DPP10: variants seen among roughly 807,000 people sequenced by gnomAD.
The protein encoded by DPP10 is inactive dipeptidyl peptidase 10.
Under a neutral mutation model 120.9 loss-of-function variants are expected in DPP10, and 33 were observed. The observed-to-expected ratio is 0.27, with a 90% CI of 0.21 to 0.37. DPP10 has a LOEUF of 0.37. Among genes scored for constraint, DPP10 ranks in the 10% least tolerant of loss-of-function variants. The probability of loss-of-function intolerance (pLI) is 1.00; values close to 1 mark genes in which losing one functional copy is unlikely to be tolerated. For missense variants in DPP10, 816 were observed against 942.8 expected (o/e 0.87, Z 1.76); for synonymous variants, 337 against 326.1 (o/e 1.03, Z -0.36).
intron 1 of DPP10, among the ~76,000 whole-genome samples, chr2:115,293,107 C>T (rs1261163878): frequency 1.3e-5 from 2 of 152,048 alleles, no homozygotes; most frequent in Non-Finnish European, 2.9e-5. Context: ...GGCACAAAGA[C>T]TAGCAAGTAA....
Position 115,800,871 on chromosome 2 carries a change from T to A in DPP10, c.1700+9515T>A, listed in dbSNP as rs944359726. On this transcript the variant is annotated intron_variant, in intron 19 of 25. Transcript: ENST00000410059. ...TATAGTTTGAAGTCAGGTAGCGTGATGCCTCCAGCTTTGTTCTTTTGGCTT... is the reference window on the plus strand; with the variant it reads ...TATAGTTTGAAGTCAGGTAGCGTGAAGCCTCCAGCTTTGTTCTTTTGGCTT... Among the ~76,000 whole-genome samples, 10 of 152,168 alleles carry A rather than the reference T, an allele frequency of 6.6e-5. No individual in the cohort carries two copies. In the East Asian group the frequency reaches 1.9e-3, roughly 29 times the overall value.
chr2:115,054,641 G>A (rs958530027), intron 1 of DPP10, among the ~76,000 whole-genome samples: 1 of 152,156 alleles, frequency 6.6e-6, no homozygotes. Context: ...GGCCCAGGGC[G>A]ACGGCTCATG....
At chr2:115,342,825 A>G (rs2063516350) in intron 2 of DPP10, among the ~76,000 whole-genome samples, 1 of 152,084 alleles carries the variant, frequency 6.6e-6, no homozygotes, top group Non-Finnish European at 1.5e-5. Context: ...CAGTTATTTT[A>G]TGGGTTAAAT....
At chr2:115,576,795 A>G (rs964808466) in intron 5 of DPP10, among the ~76,000 whole-genome samples, 3 of 152,310 alleles carry the variant, frequency 2.0e-5, no homozygotes, top group South Asian at 4.1e-4. Context: ...CTTACTCACA[A>G]GCATAACTTC....
intron 6 of DPP10, 38 bp from the exon 7 acceptor site, chr2:115,689,802 T>G: frequency 1.2e-6 from 2 of 1,611,522 alleles, no homozygotes; most frequent in Non-Finnish European, 1.7e-6. Context: ...GGTGTAGATA[T>G]CAGTTTGTTC....
At chr2:114,729,404 C>T (rs543177985) in intron 1 of DPP10, among the ~76,000 whole-genome samples, 2 of 152,300 alleles carry the variant, frequency 1.3e-5, no homozygotes, top group East Asian at 1.9e-4. Flanking sequence ...TGAGCCTCTT[C>T]GGGGATTTGG....
At position 115,471,884 on chromosome 2, in the gene DPP10, G is replaced by A. The variant is rs180984304; in HGVS notation, c.272-27626G>A. Among the ~76,000 whole-genome samples the A allele has an allele frequency of 3.9e-5, 6 of 152,124 alleles. No homozygotes were observed. The East Asian group carries it at 1.2e-3, about 30-fold the overall frequency. On this transcript the variant is annotated intron_variant, in intron 3 of 25. Coordinates refer to ENST00000410059, the MANE Select transcript of DPP10 (RefSeq NM_020868.6). ...ATCAACTGCCTCAGCCTCCCAAAGT[G>A]CTAGGACTGCAGGTGTGAGCCACTT...
intron 1 of DPP10, among the ~76,000 whole-genome samples, chr2:115,221,782 A>G (rs893569426): frequency 6.1e-4 from 57 of 93,868 alleles, no homozygotes; most frequent in African/African-American, 2.5e-3. Flanking sequence ...TTTTTTTTCT[A>G]TGAGCTAAGA....
intron 1 of DPP10, among the ~76,000 whole-genome samples, chr2:114,923,819 G>T (rs1251581979): frequency 6.6e-6 from 1 of 152,106 alleles, no homozygotes; most frequent in Admixed American, 6.5e-5. Flanking sequence ...CAATTTGGAT[G>T]CAATACAGTT....
In DPP10 at chr2:115,454,992, T is replaced by C. The variant is rs182018001; in HGVS notation, c.272-44518T>C. ...TCAGAAATAAGATACACAAAAAAATTAAGAATATAATGTAAATGTAAGTAT... is the reference window on the plus strand; with the variant it reads ...TCAGAAATAAGATACACAAAAAAATCAAGAATATAATGTAAATGTAAGTAT... On this transcript the variant is annotated intron_variant, in intron 3 of 25. Coordinates refer to ENST00000410059, the MANE Select transcript of DPP10 (RefSeq NM_020868.6). 4.6e-5 allele frequency among the ~76,000 whole-genome samples: 7 copies of C among 150,890 alleles called. No individual in the cohort carries two copies. The East Asian group carries it at 1.4e-3, about 29-fold the overall frequency.
At chr2:115,475,493 C>T (rs542026829) in intron 3 of DPP10, among the ~76,000 whole-genome samples, 1 of 152,344 alleles carries the variant, frequency 6.6e-6, no homozygotes, top group Non-Finnish European at 1.5e-5. Flanking sequence ...CATGGAGAAC[C>T]TCCAGGAAGC....
intron 3 of DPP10, among the ~76,000 whole-genome samples, chr2:115,346,930 A>C (rs2063738509): frequency 6.6e-6 from 1 of 152,090 alleles, no homozygotes; most frequent in Non-Finnish European, 1.5e-5. Context: ...TGTCATCCTC[A>C]TATCTAACAT....
At chr2:114,715,007 A>G (rs1701262060) in intron 1 of DPP10, among the ~76,000 whole-genome samples, 2 of 152,154 alleles carry the variant, frequency 1.3e-5, no homozygotes, top group South Asian at 2.1e-4. Context: ...AGTTAAAATC[A>G]TGAGTGTATT....
intron 3 of DPP10, among the ~76,000 whole-genome samples, chr2:115,484,889 A>C (rs1376933232): frequency 1.3e-5 from 2 of 152,106 alleles, no homozygotes; most frequent in Non-Finnish European, 2.9e-5. Flanking sequence ...TTATCTATCA[A>C]TTCTTAGCTG....
rs543747963 is a variant in DPP10, at chr2:115,791,839, T to C, written c.1700+483T>C. On this transcript the variant is annotated intron_variant, in intron 19 of 25. Transcript: ENST00000410059. The stretch of plus-strand genomic sequence containing the variant: ...TTGACTTTGAAGTTAAATATCTTTA[T>C]ACATTTTGTAAGGCTATATCATGAC... Among the ~76,000 whole-genome samples, 17 of 152,302 alleles carry C rather than the reference T, an allele frequency of 1.1e-4. No individual in the cohort carries two copies. The South Asian group carries it at 2.5e-3, about 22-fold the overall frequency.
chr2:114,974,871 G>A (rs961935715), intron 1 of DPP10, among the ~76,000 whole-genome samples: 2 of 151,758 alleles, frequency 1.3e-5, no homozygotes, highest in Non-Finnish European at 2.9e-5. Context: ...ATGATAGTAA[G>A]AAATATACAT....
chr2:114,784,140 A>G (rs2106207091), intron 1 of DPP10, among the ~76,000 whole-genome samples: 1 of 152,222 alleles, frequency 6.6e-6, no homozygotes, highest in African/African-American at 2.4e-5. Context: ...AGGTTCACAG[A>G]AGTCCCATTG....
chr2:115,446,420 A>G (rs370250644), intron 3 of DPP10, among the ~76,000 whole-genome samples: 32 of 152,198 alleles, frequency 2.1e-4, no homozygotes, highest in African/African-American at 7.5e-4. Context: ...TGGCAGATCC[A>G]TGTGTAAGAA....
intron 3 of DPP10, among the ~76,000 whole-genome samples, chr2:115,367,374 A>C (rs1204957816): frequency 6.6e-6 from 1 of 152,008 alleles, no homozygotes. Flanking sequence ...CCAGTGTCTT[A>C]AAGGTTGACG....
Sources: allele counts gnomAD v4.1 joint callset (sites outside exome capture counted in the v4.1 genomes callset), GRCh38; gene constraint gnomAD v4.1.1; transcripts MANE v1.5; gene names NCBI Gene and HGNC (gene_info 2026-07-23, HGNC 2026-07-21).